KALRN: variants seen among roughly 807,000 people sequenced by gnomAD.
KALRN encodes the protein kalirin.
Under a neutral mutation model 353.7 loss-of-function variants are expected in KALRN, and 70 were observed. That is an observed-to-expected ratio of 0.20 (90% CI 0.16 to 0.24). KALRN has a LOEUF of 0.24. Among genes scored for constraint, KALRN ranks in the 10% least tolerant of loss-of-function variants. The pLI is 1.00. For missense variants in KALRN, 2,791 were observed against 3,756.7 expected (o/e 0.74, Z 6.72); for synonymous variants, 1,391 against 1,434.8 (o/e 0.97, Z 0.69).
At chr3:124,355,578 G>A (rs1284064470) in intron 10 of KALRN, among the ~76,000 whole-genome samples, 1 of 152,066 alleles carries the variant, frequency 6.6e-6, no homozygotes. Flanking sequence ...TCTAACCATG[G>A]GTTGCATTTT....
intron 30 of KALRN, among the ~76,000 whole-genome samples, 167 bp from the exon 31 acceptor site, chr3:124,491,156 C>T (rs894506421): frequency 1.3e-5 from 2 of 152,178 alleles, no homozygotes; most frequent in African/African-American, 4.8e-5. Context: ...CCTGTAGGTC[C>T]TTTCATCCTG....
chr3:124,339,302 C>T (rs572950609), intron 9 of KALRN, among the ~76,000 whole-genome samples: 13 of 152,106 alleles, frequency 8.5e-5, no homozygotes, highest in African/African-American at 2.7e-4. Flanking sequence ...TCTGGACCCT[C>T]AGCTGGCTTC....
At chr3:124,083,426 T>G (rs1165804512) in intron 1 of KALRN, among the ~76,000 whole-genome samples, 1 of 151,992 alleles carries the variant, frequency 6.6e-6, no homozygotes, top group Non-Finnish European at 1.5e-5. Context: ...GAAGGCAGGA[T>G]GGGAAACAGT....
At chr3:124,639,220 C>T (rs1341101806) in intron 37 of KALRN, among the ~76,000 whole-genome samples, 2 of 137,026 alleles carry the variant, frequency 1.5e-5, no homozygotes, top group Non-Finnish European at 3.1e-5. Flanking sequence ...GCATAGTGGT[C>T]ATTCAGGGTC....
chr3:124,149,348 A>G (rs2067779728), intron 1 of KALRN, among the ~76,000 whole-genome samples: 1 of 152,220 alleles, frequency 6.6e-6, no homozygotes, highest in East Asian at 1.9e-4. Flanking sequence ...TGCTACAAGT[A>G]GGAGTCTTGG....
At chr3:124,192,875 A>G (rs1322994139) in intron 1 of KALRN, among the ~76,000 whole-genome samples, 1 of 152,218 alleles carries the variant, frequency 6.6e-6, no homozygotes, top group African/African-American at 2.4e-5. Flanking sequence ...TTTAAGCTAC[A>G]GTCTGTGGGG....
chr3:124,555,274 G>A (rs545553596), intron 33 of KALRN, among the ~76,000 whole-genome samples: 4 of 152,188 alleles, frequency 2.6e-5, no homozygotes, highest in Admixed American at 6.5e-5. Context: ...GCTCACGCCT[G>A]TAATCCCAGC....
At chr3:124,271,083 G>C (rs1029216386) in intron 5 of KALRN, among the ~76,000 whole-genome samples, 1 of 152,004 alleles carries the variant, frequency 6.6e-6, no homozygotes, top group African/African-American at 2.4e-5. Flanking sequence ...CACTCACCTT[G>C]GCCTCCCAAA....
intron 1 of KALRN, among the ~76,000 whole-genome samples, chr3:124,078,512 T>C (rs1340982640): frequency 6.6e-6 from 1 of 152,002 alleles, no homozygotes; most frequent in Non-Finnish European, 1.5e-5. Flanking sequence ...CCATAATGCA[T>C]GTGGTAAGGA....
At chr3:124,473,554 T>A (rs2061149869) in intron 25 of KALRN, among the ~76,000 whole-genome samples, 1 of 152,202 alleles carries the variant, frequency 6.6e-6, no homozygotes, top group Non-Finnish European at 1.5e-5. Context: ...TTTTTCCACT[T>A]AGCTTCTCCC....
intron 57 of KALRN, among the ~76,000 whole-genome samples, chr3:124,711,415 T>C (rs2062881542): frequency 6.6e-6 from 1 of 152,156 alleles, no homozygotes; most frequent in Non-Finnish European, 1.5e-5. Flanking sequence ...AAGGAGGCAG[T>C]TAGATCATCT....
intron 51 of KALRN, among the ~76,000 whole-genome samples, chr3:124,680,691 G>A (rs1578916689): frequency 6.6e-6 from 1 of 152,234 alleles, no homozygotes; most frequent in Non-Finnish European, 1.5e-5. Flanking sequence ...TAAGTCAGCT[G>A]CAGAAGGAGC....
intron 25 of KALRN, among the ~76,000 whole-genome samples, chr3:124,463,218 G>A (rs1443190111): frequency 2.0e-5 from 3 of 152,092 alleles, no homozygotes; most frequent in African/African-American, 7.2e-5. Flanking sequence ...GGTTAACAAA[G>A]GATCAGCAAA....
chr3:124,571,404 C>T (rs1031027716), intron 34 of KALRN, among the ~76,000 whole-genome samples: 3 of 152,222 alleles, frequency 2.0e-5, no homozygotes, highest in Non-Finnish European at 2.9e-5. Flanking sequence ...TTCTCACTCA[C>T]AGACACCTGA....
At chr3:124,613,073 GC>G (rs907112659) in intron 34 of KALRN, among the ~76,000 whole-genome samples, 1 of 152,182 alleles carries the variant, frequency 6.6e-6, no homozygotes, top group African/African-American at 2.4e-5. Context: ...TGATCATGGA[GC>G]CAGGGGTTTT....
intron 34 of KALRN, among the ~76,000 whole-genome samples, chr3:124,586,100 A>G (rs1207354789): frequency 6.6e-6 from 1 of 152,228 alleles, no homozygotes; most frequent in Admixed American, 6.5e-5. Context: ...ATTTAATTAG[A>G]GCAGCCTGGA....
intron 3 of KALRN, among the ~76,000 whole-genome samples, chr3:124,259,610 G>T (rs1317260097): frequency 1.3e-5 from 2 of 152,178 alleles, no homozygotes; most frequent in East Asian, 1.9e-4. Flanking sequence ...CTAGGAAGCT[G>T]GTTCTAGTTT....
At chr3:124,266,020 C>A (rs370923348) in intron 4 of KALRN, among the ~76,000 whole-genome samples, 22 of 152,208 alleles carry the variant, frequency 1.4e-4, no homozygotes, top group African/African-American at 4.6e-4. Flanking sequence ...GAGGCTGAGG[C>A]AGGAGAATCA....
At chr3:124,274,920 T>A (rs963297627) in intron 5 of KALRN, among the ~76,000 whole-genome samples, 2 of 152,220 alleles carry the variant, frequency 1.3e-5, no homozygotes, top group Non-Finnish European at 2.9e-5. Context: ...ATGGGTGCCA[T>A]GCTGAAATGG....
Sources: allele counts gnomAD v4.1 joint callset (sites outside exome capture counted in the v4.1 genomes callset), GRCh38; gene constraint gnomAD v4.1.1; transcripts MANE v1.5; gene names NCBI Gene and HGNC (gene_info 2026-07-23, HGNC 2026-07-21).